The following PGCKA1 variants were observed in gnomAD, a reference collection of about 807,000 sequenced individuals.
PGCKA1 encodes PDCD10 and GCKIII kinases-associated protein 1.
the PGCKA1 span, among the ~76,000 whole-genome samples, chr4:37,459,049 G>C: frequency 6.6e-6 from 1 of 152,106 alleles, no homozygotes; most frequent in Non-Finnish European, 1.5e-5. Context: ...TCCAAAGCCT[G>C]TGCTCAGTAC....
At chr4:37,509,745 G>A in the PGCKA1 span, among the ~76,000 whole-genome samples, 1 of 151,462 alleles carries the variant, frequency 6.6e-6, no homozygotes, top group African/African-American at 2.4e-5. Context: ...CAGATCACTC[G>A]TGGTTAGGAG....
At chr4:37,576,835 C>T in the PGCKA1 span, among the ~76,000 whole-genome samples, 1 of 151,978 alleles carries the variant, frequency 6.6e-6, no homozygotes, top group Non-Finnish European at 1.5e-5. Context: ...TTGAAATGAT[C>T]ATATGGTTTT....
At chr4:37,456,720 A>T in the PGCKA1 span, among the ~76,000 whole-genome samples, 1 of 152,218 alleles carries the variant, frequency 6.6e-6, no homozygotes, top group African/African-American at 2.4e-5. Context: ...GTCTTCAGAG[A>T]TCCCAATATC....
At chr4:37,543,123 G>A in the PGCKA1 span, among the ~76,000 whole-genome samples, 4 of 152,228 alleles carry the variant, frequency 2.6e-5, no homozygotes, top group East Asian at 5.8e-4. Context: ...TTTCTCAAAC[G>A]AAATCGCTCT....
chr4:37,526,789 ATGTC>A, the PGCKA1 span, among the ~76,000 whole-genome samples: 3 of 152,304 alleles, frequency 2.0e-5, no homozygotes, highest in South Asian at 2.1e-4. Flanking sequence ...ATGATCATAA[ATGTC>A]TGTGTTACAA....
chr4:37,488,519 C>T, the PGCKA1 span, among the ~76,000 whole-genome samples: 52 of 152,284 alleles, frequency 3.4e-4, no homozygotes, highest in African/African-American at 1.3e-3. Context: ...CATAGGCTTG[C>T]CAACAGAAGC....
At chr4:37,531,852 AC>A in the PGCKA1 span, among the ~76,000 whole-genome samples, 1 of 147,154 alleles carries the variant, frequency 6.8e-6, no homozygotes, top group Non-Finnish European at 1.5e-5. Flanking sequence ...AGATAGCGCC[AC>A]TGCAGTCCAG....
chr4:37,506,810 C>T, the PGCKA1 span, among the ~76,000 whole-genome samples: 21 of 152,198 alleles, frequency 1.4e-4, no homozygotes, highest in African/African-American at 4.8e-4. Context: ...GTCTATAATG[C>T]AGATAAAGCC....
chr4:37,530,573 C>CAA, the PGCKA1 span, among the ~76,000 whole-genome samples: 75 of 71,354 alleles, frequency 1.1e-3, no homozygotes, highest in Non-Finnish European at 1.3e-3. Flanking sequence ...AACTATGTCT[C>CAA]AAAAAAAAAA....
the PGCKA1 span, among the ~76,000 whole-genome samples, chr4:37,456,955 C>T: frequency 6.6e-6 from 1 of 152,200 alleles, no homozygotes; most frequent in Non-Finnish European, 1.5e-5. Context: ...TGACTTGAAT[C>T]TCTGACGTCA....
At chr4:37,564,235 C>T in the PGCKA1 span, among the ~76,000 whole-genome samples, 1 of 148,086 alleles carries the variant, frequency 6.8e-6, no homozygotes, top group Non-Finnish European at 1.5e-5. Context: ...GATGGCACCA[C>T]TGCACTCCAG....
chr4:37,542,327 A>G, the PGCKA1 span, among the ~76,000 whole-genome samples: 222 of 152,354 alleles, frequency 1.5e-3, 2 homozygotes, highest in African/African-American at 5.1e-3. Context: ...AAACCGTATC[A>G]GGAGAAGAAA....
chr4:37,574,057 AC>A, the PGCKA1 span, among the ~76,000 whole-genome samples: 58,861 of 151,528 alleles, frequency 0.39, 11,808 homozygotes, highest in East Asian at 0.61. Flanking sequence ...GTGTGGTGGC[AC>A]GTGCCTGTAA....
the PGCKA1 span, among the ~76,000 whole-genome samples, chr4:37,496,708 A>G: frequency 3.9e-5 from 6 of 152,104 alleles, no homozygotes; most frequent in Non-Finnish European, 7.4e-5. Flanking sequence ...TGGCCATTTT[A>G]TTGGTTCTTC....
At chr4:37,566,679 GT>G in the PGCKA1 span, among the ~76,000 whole-genome samples, 1 of 152,182 alleles carries the variant, frequency 6.6e-6, no homozygotes, top group Non-Finnish European at 1.5e-5. Context: ...TGCCTCCTGG[GT>G]TCAAGTGATT....
chr4:37,543,083 C>T, the PGCKA1 span, among the ~76,000 whole-genome samples: 1 of 152,216 alleles, frequency 6.6e-6, no homozygotes, highest in African/African-American at 2.4e-5. Flanking sequence ...AGGTCAAGCC[C>T]AGTCTGCTCA....
the PGCKA1 span, among the ~76,000 whole-genome samples, chr4:37,581,894 C>T: frequency 1.3e-3 from 193 of 152,228 alleles, 1 homozygote; most frequent in African/African-American, 9.9e-4. This position sits in a 1 kb window ranked among gnomAD's most constrained non-coding sequence, Gnocchi z 4.4. Flanking sequence ...CATGGTGGTG[C>T]GGCTTGCCAA....
chr4:37,514,540 A>G, the PGCKA1 span, among the ~76,000 whole-genome samples: 2 of 152,130 alleles, frequency 1.3e-5, no homozygotes, highest in South Asian at 4.1e-4. Context: ...TTTGACTGAG[A>G]CCTACAAATT....
chr4:37,507,912 A>T, the PGCKA1 span, among the ~76,000 whole-genome samples: 1 of 151,888 alleles, frequency 6.6e-6, no homozygotes. Flanking sequence ...AAGTAATTTT[A>T]TTTCTTCTTC....
Sources: gnomAD v4.1 joint callset for allele counts (sites outside exome capture counted in the v4.1 genomes callset) on GRCh38, gnomAD v4.1.1 for gene constraint, Gnocchi (gnomAD v3.1) non-coding constraint, MANE v1.5 for transcripts, NCBI Gene and HGNC (gene_info 2026-07-23, HGNC 2026-07-21) for gene names.